The following DSCAM variants were observed in gnomAD, a reference collection of about 807,000 sequenced individuals.
DSCAM encodes the protein cell adhesion molecule DSCAM.
A neutral mutation model predicts 217.7 loss-of-function variants in DSCAM; 47 were observed. The ratio of observed to expected loss-of-function variants is 0.22; its 90% CI spans 0.17 to 0.28. The LOEUF (loss-of-function observed/expected upper bound fraction) is 0.28. Among genes scored for constraint, DSCAM ranks in the 10% least tolerant of loss-of-function variants. The probability of loss-of-function intolerance (pLI) is 1.00; values close to 1 mark genes in which losing one functional copy is unlikely to be tolerated. For missense variants in DSCAM, 2,080 were observed against 2,618.3 expected, an observed-to-expected ratio of 0.79 and a Z score of 4.49; for synonymous variants, 1,056 against 1,015.3, an observed-to-expected ratio of 1.04 and a Z score of -0.76.
intron 3 of DSCAM, among the ~76,000 whole-genome samples, chr21:40,425,860 CAT>C (rs1296400105): frequency 3.9e-5 from 6 of 152,090 alleles, no homozygotes; most frequent in East Asian, 3.9e-4. Flanking sequence ...TAAACATACA[CAT>C]GTTAACTATA....
At chr21:40,188,974 C>T in intron 12 of DSCAM, 68 bp downstream of exon 12, 1 of 1,513,250 alleles carries the variant, frequency 6.6e-7, no homozygotes, top group Non-Finnish European at 9.1e-7. Flanking sequence ...GCACCCGCTT[C>T]TGTGAAAGGA....
intron 1 of DSCAM, among the ~76,000 whole-genome samples, chr21:40,766,349 T>TTTTTCC (rs529735263): frequency 5.3e-5 from 8 of 152,214 alleles, no homozygotes; most frequent in African/African-American, 1.9e-4. Context: ...ATATATATTT[T>TTTTTCC]CAAAGGATTA....
chr21:40,151,085 T>C (rs2090418726), intron 16 of DSCAM, among the ~76,000 whole-genome samples: 1 of 152,184 alleles, frequency 6.6e-6, no homozygotes, highest in African/African-American at 2.4e-5. Context: ...TAGTACCTGT[T>C]GTGAGATCTG....
At chr21:40,328,533 A>C (rs2074341967) in intron 8 of DSCAM, among the ~76,000 whole-genome samples, 1 of 152,198 alleles carries the variant, frequency 6.6e-6, no homozygotes, top group South Asian at 2.1e-4. Context: ...TGACACTACT[A>C]GGAGAAAACA....
chr21:40,228,629 C>G (rs1339541547), intron 11 of DSCAM, among the ~76,000 whole-genome samples: 1 of 150,404 alleles, frequency 6.6e-6, no homozygotes, highest in African/African-American at 2.5e-5. Context: ...TTTCTTTCCC[C>G]CTCCACCTCT....
intron 3 of DSCAM, among the ~76,000 whole-genome samples, chr21:40,624,231 T>C (rs2089566725): frequency 1.3e-5 from 2 of 152,200 alleles, no homozygotes; most frequent in Non-Finnish European, 2.9e-5. Flanking sequence ...CATCATTGCC[T>C]GTATCACTGG....
intron 3 of DSCAM, among the ~76,000 whole-genome samples, chr21:40,465,880 TAA>T (rs113912367): frequency 2.6e-4 from 38 of 146,272 alleles, no homozygotes; most frequent in Middle Eastern, 3.5e-3. Context: ...ACACGTTTGG[TAA>T]AAAAAAAAAA....
chr21:40,767,175 G>A (rs772115453), intron 1 of DSCAM, among the ~76,000 whole-genome samples: 1 of 152,036 alleles, frequency 6.6e-6, no homozygotes, highest in Non-Finnish European at 1.5e-5. Context: ...AAAAATAAGG[G>A]GTAAGATTTT....
At chr21:40,820,040 A>T (rs2091912827) in intron 1 of DSCAM, among the ~76,000 whole-genome samples, 1 of 152,052 alleles carries the variant, frequency 6.6e-6, no homozygotes, top group Non-Finnish European at 1.5e-5. Context: ...GCTTGTGACT[A>T]AAAAAAGCTA....
intron 16 of DSCAM, among the ~76,000 whole-genome samples, chr21:40,145,145 G>C (rs1377598368): frequency 6.6e-6 from 1 of 152,196 alleles, no homozygotes; most frequent in South Asian, 2.1e-4. Flanking sequence ...GTACGCTTAC[G>C]ACCGGGTGAG....
At chr21:40,553,499 GC>G (rs2076646543) in intron 3 of DSCAM, among the ~76,000 whole-genome samples, 1 of 152,182 alleles carries the variant, frequency 6.6e-6, no homozygotes, top group Non-Finnish European at 1.5e-5. Context: ...CTGCAAGAAG[GC>G]CCCTGCATTA....
At chr21:40,798,410 A>T (rs1226829863) in intron 1 of DSCAM, among the ~76,000 whole-genome samples, 1 of 152,130 alleles carries the variant, frequency 6.6e-6, no homozygotes, top group African/African-American at 2.4e-5. Flanking sequence ...CATAAACAAA[A>T]TTAAAAGGCA....
At position 40,144,592 on chromosome 21, in the gene DSCAM, T is replaced by C. The variant is rs370589871; in HGVS notation, c.3158A>G (p.Asn1053Ser). The change falls in exon 17 of 33, where the codon AAC (asparagine) becomes AGC (serine). Residue 1053 changes from asparagine (N) to serine (S), a missense_variant. This residue lies in a region of DSCAM where 1,144 missense variants were observed against 1,421.1 expected (regional missense o/e 0.81). Coordinates refer to ENST00000400454, the MANE Select transcript of DSCAM (RefSeq NM_001389.5). This position sits in a 1 kb window ranked among gnomAD's most constrained non-coding sequence, Gnocchi z 4.8. ...SGDSEVYTLD[N>S]LNKFTQYGLV... is the part of the protein sequence containing the mutation. Reference sequence around the variant, plus strand: ...GCCGTACTGAGTGAACTTATTCAGGTTGTCCAGGGTGTAAACCTCACTGTC... The same window carrying C: ...GCCGTACTGAGTGAACTTATTCAGGCTGTCCAGGGTGTAAACCTCACTGTC... The C allele has an allele frequency of 3.2e-5, 51 of 1,614,042 alleles. No individual in the cohort carries two copies. The highest frequency in any genetic ancestry group is 4.3e-5 in the Non-Finnish European group (51 of 1,180,038).
chr21:40,554,888 T>C (rs1268680526), intron 3 of DSCAM, among the ~76,000 whole-genome samples: 1 of 152,218 alleles, frequency 6.6e-6, no homozygotes, highest in East Asian at 1.9e-4. Flanking sequence ...TGAAATTGTT[T>C]ATTTTCTTGG....
rs1316477826 is a variant in DSCAM at position 40,706,025 on chromosome 21, A to C, written c.361+2429T>G. On this transcript the variant is annotated intron_variant, in intron 2 of 32. Transcript: ENST00000400454. The stretch of plus-strand genomic sequence containing the variant: ...GAAACCCCATCTCTACTGAAAATAC[A>C]AAAAAGTTAGCTGGGTGTGGTGGCG... 3.9e-5 allele frequency among the ~76,000 whole-genome samples: 6 copies of C among 152,126 alleles called. No individual in the cohort carries two copies. In the East Asian group the frequency reaches 9.7e-4, roughly 25 times the overall value.
intron 3 of DSCAM, among the ~76,000 whole-genome samples, chr21:40,471,933 T>C (rs889503280): frequency 6.6e-6 from 1 of 152,140 alleles, no homozygotes; most frequent in African/African-American, 2.4e-5. Context: ...CCTAATGCTA[T>C]TCCTCCCCGT....
At chr21:40,367,330 A>C (rs547128515) in intron 4 of DSCAM, among the ~76,000 whole-genome samples, 2 of 152,264 alleles carry the variant, frequency 1.3e-5, no homozygotes, top group Non-Finnish European at 2.9e-5. Context: ...TGTTGCCAGT[A>C]ATCCAGTTGT....
intron 20 of DSCAM, among the ~76,000 whole-genome samples, chr21:40,122,996 A>T (rs1474857481): frequency 6.6e-6 from 1 of 152,238 alleles, no homozygotes; most frequent in African/African-American, 2.4e-5. Context: ...GCATGCTACA[A>T]CATGGATGAA....
chr21:40,097,954 AAAAGAAAGAAAGAAAGAAAGAAAGAAAG>A (rs61675667), intron 20 of DSCAM, among the ~76,000 whole-genome samples: 1 of 51,516 alleles, frequency 1.9e-5, no homozygotes, highest in African/African-American at 8.2e-5. Context: ...AAAAAAAAAA[AAAAGAAAGAAAGAAAGAAAGAAAGAAAG>A]AAAGAAAGAA....
Sources: gnomAD v4.1 joint callset for allele counts (sites outside exome capture counted in the v4.1 genomes callset) on GRCh38, gnomAD v4.1.1 for gene constraint, gnomAD v4.1.1 regional missense constraint, Gnocchi (gnomAD v3.1) non-coding constraint, MANE v1.5 for transcripts, NCBI Gene and HGNC (gene_info 2026-07-23, HGNC 2026-07-21) for gene names.